Variants in PLXDC2 observed in about 807,000 individuals in gnomAD.
PLXDC2 encodes the protein plexin domain-containing protein 2.
In PLXDC2, 40 loss-of-function variants were observed where a neutral mutation model predicts 68.9. The observed-to-expected ratio is 0.58, with a 90% CI of 0.45 to 0.76. The LOEUF (loss-of-function observed/expected upper bound fraction) is 0.76. Ranked by LOEUF, PLXDC2 falls within the 30% of genes least tolerant of loss-of-function variation. The probability of loss-of-function intolerance (pLI) is 0.00; values close to 1 mark genes in which losing one functional copy is unlikely to be tolerated. For synonymous variants in PLXDC2, 243 were observed against 234.2 expected (o/e 1.04, Z -0.34); for missense variants, 644 against 661.9 (o/e 0.97, Z 0.30).
At chr10:20,098,167 T>C (rs982003370) in intron 4 of PLXDC2, among the ~76,000 whole-genome samples, 28 of 152,042 alleles carry the variant, frequency 1.8e-4, no homozygotes, top group African/African-American at 6.8e-4. Flanking sequence ...AGGCCAGAAG[T>C]CCAAAACCAG....
intron 4 of PLXDC2, among the ~76,000 whole-genome samples, chr10:20,093,240 T>C (rs940155117): frequency 2.6e-5 from 4 of 152,162 alleles, no homozygotes; most frequent in Non-Finnish European, 4.4e-5. Flanking sequence ...ATCACCATAA[T>C]ATTTATTTTT....
intron 4 of PLXDC2, among the ~76,000 whole-genome samples, chr10:20,128,337 T>G (rs1302455870): frequency 6.6e-6 from 1 of 152,200 alleles, no homozygotes; most frequent in African/African-American, 2.4e-5. Context: ...CTTTTTATTT[T>G]CTTGAGGTAT....
At chr10:20,021,067 A>G (rs1319348051) in intron 2 of PLXDC2, among the ~76,000 whole-genome samples, 4 of 152,254 alleles carry the variant, frequency 2.6e-5, no homozygotes, top group Admixed American at 6.5e-5. Flanking sequence ...AAAATATAGT[A>G]TACAGTTAAG....
At chr10:19,836,995 A>C (rs992921183) in intron 1 of PLXDC2, among the ~76,000 whole-genome samples, 1 of 152,186 alleles carries the variant, frequency 6.6e-6, no homozygotes, top group African/African-American at 2.4e-5. Context: ...TAAGTTCAAA[A>C]TTGCCTTTCA....
intron 6 of PLXDC2, among the ~76,000 whole-genome samples, chr10:20,153,109 C>T (rs1237200872): frequency 1.3e-5 from 2 of 152,138 alleles, no homozygotes; most frequent in African/African-American, 4.8e-5. Context: ...TTTTCTTCAG[C>T]TCCATGAGAC....
chr10:20,131,406 T>G (rs1297812473), intron 4 of PLXDC2, among the ~76,000 whole-genome samples: 1 of 152,136 alleles, frequency 6.6e-6, no homozygotes, highest in African/African-American at 2.4e-5. Context: ...TTATAATTTT[T>G]TTTCTTTTTT....
intron 4 of PLXDC2, among the ~76,000 whole-genome samples, chr10:20,128,663 C>G (rs781262945): frequency 6.6e-6 from 1 of 152,068 alleles, no homozygotes; most frequent in African/African-American, 2.4e-5. Flanking sequence ...CGTGTTTACC[C>G]TATCCCCCCA....
intron 1 of PLXDC2, among the ~76,000 whole-genome samples, chr10:19,915,780 G>A (rs1399627922): frequency 6.6e-6 from 1 of 151,810 alleles, no homozygotes; most frequent in African/African-American, 2.4e-5. Flanking sequence ...GGTGGACTAA[G>A]GCAAAATATG....
At chr10:19,828,838 GTCT>G (rs1428145516) in intron 1 of PLXDC2, among the ~76,000 whole-genome samples, 3 of 152,036 alleles carry the variant, frequency 2.0e-5, no homozygotes, top group Admixed American at 2.0e-4. Context: ...CTATTGTTCT[GTCT>G]TCAACAGGCC....
At chr10:20,159,172 G>A (rs1041980577) in intron 6 of PLXDC2, among the ~76,000 whole-genome samples, 1 of 152,088 alleles carries the variant, frequency 6.6e-6, no homozygotes, top group African/African-American at 2.4e-5. Flanking sequence ...AATGTTTCAG[G>A]ACTGGTCTTG....
chr10:20,087,001 C>T lies in PLXDC2; in HGVS notation c.541+18762C>T, dbSNP rs1589622800. 2.0e-5 allele frequency among the ~76,000 whole-genome samples: 3 copies of T among 152,230 alleles called. No individual in the cohort carries two copies. In the East Asian group the frequency reaches 5.8e-4, roughly 29 times the overall value. On this transcript the variant is annotated intron_variant, in intron 4 of 13. Transcript: ENST00000377252. ...TCCAAATTTTAAAGGATAAAGAATA[C>T]CTTCATAATTAGTAAGGAATTCCTG...
In PLXDC2 at chr10:19,845,954, C is replaced by T. The variant is rs75080765; in HGVS notation, c.112+28763C>T. Among the ~76,000 whole-genome samples the T allele has an allele frequency of 9.1e-3, 1,379 of 152,214 alleles. 16 individuals carry two copies. The highest frequency in any genetic ancestry group is 0.03 in the African/African-American group (1,259 of 41,542). ...CGTTTTAGTTAGTCTTCAATCTGGT[C>T]CAGTGTCTGAGCCCTGGCCCTGGAG... On this transcript the variant is annotated intron_variant, in intron 1 of 13. Coordinates refer to ENST00000377252, the MANE Select transcript of PLXDC2 (RefSeq NM_032812.9).
At chr10:19,883,320 G>C (rs1001872230) in intron 1 of PLXDC2, among the ~76,000 whole-genome samples, 1 of 152,152 alleles carries the variant, frequency 6.6e-6, no homozygotes, top group African/African-American at 2.4e-5. Flanking sequence ...ATATGGAATA[G>C]TGAAAAGCAT....
intron 1 of PLXDC2, among the ~76,000 whole-genome samples, chr10:19,833,490 G>A (rs1002248474): frequency 2.0e-5 from 3 of 152,178 alleles, no homozygotes; most frequent in African/African-American, 4.8e-5. Flanking sequence ...TCCAATAAAA[G>A]GTGCGTTAAA....
At chr10:20,068,880 C>A (rs1262682215) in intron 4 of PLXDC2, among the ~76,000 whole-genome samples, 1 of 151,994 alleles carries the variant, frequency 6.6e-6, no homozygotes, top group Admixed American at 6.6e-5. Context: ...TATTGTACAT[C>A]TCAGAAGTCA....
intron 9 of PLXDC2, among the ~76,000 whole-genome samples, 198 bp downstream of exon 9, chr10:20,177,607 A>C (rs1282571127): frequency 1.3e-5 from 2 of 152,044 alleles, no homozygotes; most frequent in East Asian, 3.9e-4. Flanking sequence ...TCTACCAAAA[A>C]AGTTTTAACA....
chr10:20,220,108 C>G (rs1270971885), intron 12 of PLXDC2, among the ~76,000 whole-genome samples: 5 of 152,134 alleles, frequency 3.3e-5, no homozygotes, highest in Non-Finnish European at 7.4e-5. Context: ...GTATCAATTT[C>G]CCATTGTGTT....
intron 1 of PLXDC2, among the ~76,000 whole-genome samples, chr10:19,858,222 A>T (rs1273805632): frequency 6.6e-6 from 1 of 152,124 alleles, no homozygotes; most frequent in Non-Finnish European, 1.5e-5. Context: ...TAGTCCCCCA[A>T]ATTACCCTCC....
chr10:20,164,686 A>C (rs1245679264), intron 7 of PLXDC2, 119 bp downstream of exon 7: 7 of 746,494 alleles, frequency 9.4e-6, no homozygotes, highest in Non-Finnish European at 1.6e-5. Flanking sequence ...TTAGCTGATT[A>C]ATGCTTGTTA....
Sources: allele counts gnomAD v4.1 joint callset (sites outside exome capture counted in the v4.1 genomes callset), GRCh38; gene constraint gnomAD v4.1.1; transcripts MANE v1.5; gene names NCBI Gene and HGNC (gene_info 2026-07-23, HGNC 2026-07-21).